Variants in TASP1 observed in about 807,000 individuals in gnomAD.
TASP1 encodes taspase 1, also known as threonine aspartase 1.
Under a neutral mutation model 56.6 loss-of-function variants are expected in TASP1, and 16 were observed. That is an observed-to-expected ratio of 0.28 (90% CI 0.19 to 0.43). The LOEUF is 0.43. TASP1 is among the 20% of genes least tolerant of loss of function. The pLI is 1.00. For missense variants in TASP1, 393 were observed against 511.6 expected, an observed-to-expected ratio of 0.77 and a Z score of 2.24; for synonymous variants, 179 against 184.2, an observed-to-expected ratio of 0.97 and a Z score of 0.23.
the TASP1 span, among the ~76,000 whole-genome samples, chr20:13,371,289 C>T: frequency 7.0e-4 from 106 of 152,110 alleles, no homozygotes; most frequent in African/African-American, 2.5e-3. Flanking sequence ...TCTTTTTTAG[C>T]GTAGGCATTT....
intron 10 of TASP1, among the ~76,000 whole-genome samples, chr20:13,486,765 G>A (rs960613089): frequency 2.0e-5 from 3 of 152,090 alleles, no homozygotes; most frequent in African/African-American, 4.8e-5. Flanking sequence ...TCATACCGAC[G>A]TAGTCTTGTC....
intron 10 of TASP1, among the ~76,000 whole-genome samples, chr20:13,518,261 A>AC (rs1216439243): frequency 3.3e-5 from 5 of 152,096 alleles, no homozygotes; most frequent in Non-Finnish European, 5.9e-5. Context: ...CAGATTAAGG[A>AC]ATCAAAGTGG....
the TASP1 span, among the ~76,000 whole-genome samples, chr20:13,350,658 A>C: frequency 5.9e-5 from 9 of 151,612 alleles, no homozygotes; most frequent in African/African-American, 1.7e-4. Flanking sequence ...GTACATAAAC[A>C]AAAAGACTAA....
At chr20:13,616,088 C>T (rs2048514899) in intron 4 of TASP1, among the ~76,000 whole-genome samples, 1 of 152,108 alleles carries the variant, frequency 6.6e-6, no homozygotes, top group Non-Finnish European at 1.5e-5. Flanking sequence ...TACACACACA[C>T]ACACACAATC....
chr20:13,107,254 T>A, the TASP1 span, among the ~76,000 whole-genome samples: 5 of 151,954 alleles, frequency 3.3e-5, no homozygotes, highest in East Asian at 9.7e-4. Context: ...TTTCTATTCA[T>A]CCTGAAGGTT....
chr20:13,619,226 C>T (rs2048628936), intron 4 of TASP1, among the ~76,000 whole-genome samples: 1 of 152,126 alleles, frequency 6.6e-6, no homozygotes, highest in Admixed American at 6.5e-5. Context: ...ACACAGTATT[C>T]TACCTACCAA....
the TASP1 span, among the ~76,000 whole-genome samples, chr20:13,223,568 C>T: frequency 6.6e-6 from 1 of 152,128 alleles, no homozygotes; most frequent in Non-Finnish European, 1.5e-5. Context: ...GATTATTGCA[C>T]GCAATTACAA....
chr20:13,158,416 T>C, the TASP1 span, among the ~76,000 whole-genome samples: 1 of 152,172 alleles, frequency 6.6e-6, no homozygotes, highest in Non-Finnish European at 1.5e-5. Context: ...TGCCCTGCAT[T>C]CTTTGGCAAA....
At chr20:13,177,091 G>A in the TASP1 span, among the ~76,000 whole-genome samples, 1 of 151,812 alleles carries the variant, frequency 6.6e-6, no homozygotes. Flanking sequence ...AATAGAAAAA[G>A]TTAGCCATGC....
At chr20:13,268,155 C>CTTCTCTTCTCTTCT in the TASP1 span, among the ~76,000 whole-genome samples, 43 of 69,114 alleles carry the variant, frequency 6.2e-4, no homozygotes, top group East Asian at 6.1e-3. Flanking sequence ...TCTTCTCTTC[C>CTTCTCTTCTCTTCT]CTTCCCTTCT....
intron 4 of TASP1, among the ~76,000 whole-genome samples, chr20:13,619,786 T>G (rs2147507122): frequency 6.6e-6 from 1 of 152,274 alleles, no homozygotes; most frequent in East Asian, 1.9e-4. Context: ...TACCATCCAG[T>G]GAACAGAATT....
chr20:13,512,289 A>AAG (rs2044359882), intron 10 of TASP1, among the ~76,000 whole-genome samples: 1 of 151,920 alleles, frequency 6.6e-6, no homozygotes, highest in African/African-American at 2.4e-5. Flanking sequence ...CTTCTTAATG[A>AAG]TCACCATTCT....
At chr20:13,350,848 T>C in the TASP1 span, among the ~76,000 whole-genome samples, 1 of 151,892 alleles carries the variant, frequency 6.6e-6, no homozygotes, top group African/African-American at 2.4e-5. Flanking sequence ...TACAGGTGCA[T>C]ACCACCACAT....
At chr20:13,288,433 C>T in the TASP1 span, 1 of 1,226,194 alleles carries the variant, frequency 8.2e-7, no homozygotes, top group Non-Finnish European at 1.1e-6. Context: ...CAGCAATCCC[C>T]TCCCACAGCG....
chr20:13,296,060 C>T, the TASP1 span, among the ~76,000 whole-genome samples: 4 of 152,162 alleles, frequency 2.6e-5, no homozygotes, highest in Non-Finnish European at 5.9e-5. Flanking sequence ...GGCTTTTTGC[C>T]TTTGCCTCCC....
At chr20:13,171,714 C>T in the TASP1 span, among the ~76,000 whole-genome samples, 4 of 151,968 alleles carry the variant, frequency 2.6e-5, no homozygotes, top group Non-Finnish European at 5.9e-5. Flanking sequence ...ACATGGCTCT[C>T]GATTGTGAAT....
intron 4 of TASP1, among the ~76,000 whole-genome samples, chr20:13,622,097 T>C (rs2048736400): frequency 6.6e-6 from 1 of 152,232 alleles, no homozygotes; most frequent in Non-Finnish European, 1.5e-5. Context: ...AATATTCATC[T>C]CATACATACC....
At chr20:13,297,570 C>A in the TASP1 span, among the ~76,000 whole-genome samples, 1 of 152,170 alleles carries the variant, frequency 6.6e-6, no homozygotes, top group Admixed American at 6.5e-5. Flanking sequence ...ACTGAGGGAC[C>A]AAGAGATCAC....
the TASP1 span, among the ~76,000 whole-genome samples, chr20:13,298,642 T>C: frequency 1.3e-5 from 2 of 152,302 alleles, no homozygotes; most frequent in Admixed American, 6.5e-5. Flanking sequence ...ATAAGAATAT[T>C]CTCTACTTTT....
Sources: allele counts gnomAD v4.1 joint callset (sites outside exome capture counted in the v4.1 genomes callset), GRCh38; gene constraint gnomAD v4.1.1; transcripts MANE v1.5; gene names NCBI Gene and HGNC (gene_info 2026-07-23, HGNC 2026-07-21).